NKAIN2: variants seen among roughly 807,000 people sequenced by gnomAD.
NKAIN2 encodes the protein sodium/potassium transporting ATPase interacting 2, also known as sodium/potassium-transporting ATPase subunit beta-1-interacting protein 2.
A neutral mutation model predicts 32.6 loss-of-function variants in NKAIN2; 14 were observed. The observed-to-expected ratio is 0.43, with a 90% CI of 0.28 to 0.67. NKAIN2 has a LOEUF of 0.67. Among genes scored for constraint, NKAIN2 ranks in the 30% least tolerant of loss-of-function variants. The pLI is 0.17. For synonymous variants in NKAIN2, 80 were observed against 87.2 expected, an observed-to-expected ratio of 0.92 and a Z score of 0.46; for missense variants, 198 against 258.3, an observed-to-expected ratio of 0.77 and a Z score of 1.60.
At chr6:124,813,445 C>A (rs1479899188) in intron 5 of NKAIN2, among the ~76,000 whole-genome samples, 2 of 152,174 alleles carry the variant, frequency 1.3e-5, no homozygotes, top group East Asian at 1.9e-4. Flanking sequence ...AAAGCAAGAA[C>A]TTAAGACTTT....
chr6:124,014,482 T>C (rs907697720), intron 1 of NKAIN2, among the ~76,000 whole-genome samples: 1 of 152,070 alleles, frequency 6.6e-6, no homozygotes, highest in African/African-American at 2.4e-5. Flanking sequence ...CAATAAGACC[T>C]CTAGTCTTGG....
At chr6:124,668,163 G>A (rs766339719) in intron 4 of NKAIN2, among the ~76,000 whole-genome samples, 9 of 152,128 alleles carry the variant, frequency 5.9e-5, no homozygotes, top group Non-Finnish European at 1.0e-4. Flanking sequence ...TTTACTACGT[G>A]TAATCTTCTA....
At chr6:124,539,936 G>T (rs1178658898) in intron 3 of NKAIN2, among the ~76,000 whole-genome samples, 1 of 152,146 alleles carries the variant, frequency 6.6e-6, no homozygotes, top group Non-Finnish European at 1.5e-5. Flanking sequence ...GCCCAGGCTG[G>T]TCTCGAACTC....
At chr6:124,578,712 C>T (rs929554580) in intron 3 of NKAIN2, among the ~76,000 whole-genome samples, 9 of 152,048 alleles carry the variant, frequency 5.9e-5, no homozygotes, top group African/African-American at 1.9e-4. Flanking sequence ...AACCCTAGGG[C>T]CTTGAGTGAA....
chr6:124,387,704 G>A (rs962789815), intron 3 of NKAIN2, among the ~76,000 whole-genome samples: 1 of 151,982 alleles, frequency 6.6e-6, no homozygotes, highest in African/African-American at 2.4e-5. Context: ...ATCAGAATAA[G>A]AATACCTATT....
rs181362697 is a variant in NKAIN2 at position 124,012,157 on chromosome 6, A to C, written c.54+207903A>C. ...ATCATTACCATAATCAAGATAAAAA[A>C]TACCCATCACCCCCAAATTTATTTA... On this transcript the variant is annotated intron_variant, in intron 1 of 6. Transcript: ENST00000368417. Among the ~76,000 whole-genome samples, 544 of 152,096 alleles carry C rather than the reference A, an allele frequency of 3.6e-3. 3 individuals carry two copies. The highest frequency in any genetic ancestry group is 0.013 in the African/African-American group (520 of 41,498).
intron 1 of NKAIN2, among the ~76,000 whole-genome samples, chr6:124,186,209 AGAAG>A (rs141803052): frequency 0.016 from 2,448 of 148,768 alleles, 86 homozygotes; most frequent in African/African-American, 0.059. Context: ...AAAGAAGGAA[AGAAG>A]GAAGGAAGGA....
At chr6:124,247,250 A>T (rs926061468) in intron 1 of NKAIN2, among the ~76,000 whole-genome samples, 3 of 152,070 alleles carry the variant, frequency 2.0e-5, no homozygotes, top group Non-Finnish European at 4.4e-5. Context: ...CACCCCTGTG[A>T]TGTTTCTTTT....
intron 1 of NKAIN2, among the ~76,000 whole-genome samples, chr6:124,114,265 A>G (rs1364350316): frequency 1.3e-5 from 2 of 152,144 alleles, no homozygotes; most frequent in African/African-American, 2.4e-5. Context: ...GAGTAGGTTT[A>G]TGATGATTGG....
intron 4 of NKAIN2, among the ~76,000 whole-genome samples, chr6:124,751,810 C>CTAAATAAA (rs1777733119): frequency 1.3e-5 from 1 of 76,272 alleles, no homozygotes; most frequent in African/African-American, 5.5e-5. Flanking sequence ...GAGACCCCAT[C>CTAAATAAA]TCAATAAATA....
At chr6:124,250,886 A>T (rs548524948) in intron 1 of NKAIN2, among the ~76,000 whole-genome samples, 12 of 152,174 alleles carry the variant, frequency 7.9e-5, no homozygotes, top group African/African-American at 2.9e-4. Context: ...CTAAGAAGAG[A>T]TGGTCAGAGG....
chr6:123,991,533 A>C (rs1198731753), intron 1 of NKAIN2, among the ~76,000 whole-genome samples: 1 of 152,300 alleles, frequency 6.6e-6, no homozygotes, highest in African/African-American at 2.4e-5. Flanking sequence ...AATTTAGTAA[A>C]GTAAGGAATC....
intron 1 of NKAIN2, among the ~76,000 whole-genome samples, chr6:123,910,681 T>G (rs2114452769): frequency 6.6e-6 from 1 of 151,900 alleles, no homozygotes; most frequent in East Asian, 1.9e-4. Flanking sequence ...AATTTTTGTT[T>G]TTTTAGTAGA....
intron 3 of NKAIN2, among the ~76,000 whole-genome samples, chr6:124,440,119 G>T (rs888966586): frequency 2.6e-5 from 4 of 152,184 alleles, no homozygotes; most frequent in South Asian, 4.2e-4. Context: ...AATGTGAGCT[G>T]CCTGCCCATA....
At chr6:124,375,225 C>T (rs1463361498) in intron 3 of NKAIN2, among the ~76,000 whole-genome samples, 3 of 151,854 alleles carry the variant, frequency 2.0e-5, no homozygotes, top group African/African-American at 7.3e-5. Context: ...AGATCCCACT[C>T]CTATTACTTG....
intron 1 of NKAIN2, among the ~76,000 whole-genome samples, chr6:124,116,363 G>C (rs1785613861): frequency 6.6e-6 from 1 of 152,038 alleles, no homozygotes; most frequent in East Asian, 1.9e-4. Flanking sequence ...ATCTTTATTT[G>C]TAAGAGTTCT....
intron 4 of NKAIN2, among the ~76,000 whole-genome samples, chr6:124,711,228 G>A (rs551238299): frequency 7.6e-4 from 86 of 113,698 alleles, no homozygotes; most frequent in African/African-American, 3.0e-3. Context: ...TTCCCTTTGA[G>A]GGTAACCCGA....
chr6:124,163,161 T>C (rs1788360797), intron 1 of NKAIN2, among the ~76,000 whole-genome samples: 1 of 151,980 alleles, frequency 6.6e-6, no homozygotes, highest in African/African-American at 2.4e-5. Context: ...TGAATTAGAG[T>C]AAGTTAGAAA....
chr6:124,156,200 T>C (rs565454012), intron 1 of NKAIN2, among the ~76,000 whole-genome samples: 1 of 152,262 alleles, frequency 6.6e-6, no homozygotes, highest in East Asian at 1.9e-4. Flanking sequence ...TAGATACTTA[T>C]GGATGACTAA....
Sources: allele counts gnomAD v4.1 joint callset (sites outside exome capture counted in the v4.1 genomes callset), GRCh38; gene constraint gnomAD v4.1.1; transcripts MANE v1.5; gene names NCBI Gene and HGNC (gene_info 2026-07-23, HGNC 2026-07-21).